The following SWT1 variants were observed in gnomAD, a reference collection of about 807,000 sequenced individuals.
SWT1 encodes transcriptional protein SWT1.
Under a neutral mutation model 107.3 loss-of-function variants are expected in SWT1, and 33 were observed. The ratio of observed to expected loss-of-function variants is 0.31; its 90% CI spans 0.23 to 0.41. The LOEUF (loss-of-function observed/expected upper bound fraction) is 0.41, where lower values mean the gene tolerates loss of function less well. SWT1 is among the 10% of genes least tolerant of loss of function. The pLI is 1.00. For synonymous variants in SWT1, 345 were observed against 348.3 expected (o/e 0.99, Z 0.11); for missense variants, 898 against 1,028.9 (o/e 0.87, Z 1.74).
chr1:185,161,251 C>T (rs1158823717), intron 2 of SWT1, among the ~76,000 whole-genome samples: 2 of 152,182 alleles, frequency 1.3e-5, no homozygotes, highest in Non-Finnish European at 1.5e-5. Flanking sequence ...GATAACTCAA[C>T]ATTGAACCAT....
chr1:185,184,187 A>G, intron 7 of SWT1, 56 bp from the exon 8 acceptor site: 2 of 841,436 alleles, frequency 2.4e-6, no homozygotes, highest in East Asian at 2.7e-5. Flanking sequence ...TCAAAATTTT[A>G]GTCATTATAT....
chr1:185,190,826 A>T (rs548862287), intron 10 of SWT1, among the ~76,000 whole-genome samples, 184 bp downstream of exon 10: 1 of 152,320 alleles, frequency 6.6e-6, no homozygotes, highest in East Asian at 1.9e-4. Flanking sequence ...TGAGATCTCA[A>T]CTAGATGAAG....
intron 7 of SWT1, 161 bp downstream of exon 7, chr1:185,182,218 C>A: frequency 6.4e-6 from 2 of 314,044 alleles, no homozygotes; most frequent in Non-Finnish European, 9.2e-6. Context: ...GAATTAGATC[C>A]AATATTTGTC....
rs1389770523 is a variant in SWT1 at position 185,174,754 on chromosome 1, T to C, written c.607T>C (p.Leu203=). Residue 203 remains leucine, a synonymous_variant, in exon 5 of 19, where the codon TTA becomes CTA. Transcript: ENST00000367500. ...TAGAGACAATTCTGAAAAATGTGTC[T>C]TAGAGAAATGGAAGAGAAATCAATT... The part of the protein sequence containing the change: ...KFRDNSEKCV[L]EKWKRNQFSQ... The C allele has an allele frequency of 1.1e-5, 17 of 1,611,476 alleles. No individual in the cohort carries two copies. The highest frequency in any genetic ancestry group is 1.4e-5 in the Non-Finnish European group (17 of 1,179,442).
intron 10 of SWT1, among the ~76,000 whole-genome samples, chr1:185,198,616 G>T (rs893975435): frequency 6.6e-6 from 1 of 152,110 alleles, no homozygotes; most frequent in Admixed American, 6.5e-5. Flanking sequence ...TGCTGCTCCT[G>T]TATTGGGTGC....
At chr1:185,204,900 T>G in intron 12 of SWT1, 37 bp downstream of exon 12, 1 of 1,308,906 alleles carries the variant, frequency 7.6e-7, no homozygotes, top group Non-Finnish European at 1.0e-6. Context: ...AAATTTCTTT[T>G]TTATTGCTGA....
chr1:185,165,927 G>A (rs1193291815), intron 2 of SWT1, among the ~76,000 whole-genome samples: 1 of 152,118 alleles, frequency 6.6e-6, no homozygotes, highest in Non-Finnish European at 1.5e-5. Flanking sequence ...GCTCGTACCT[G>A]GGGTCTGACT....
At chr1:185,171,284 T>G in intron 4 of SWT1, 2 of 192,172 alleles carry the variant, frequency 1.0e-5, no homozygotes, top group Non-Finnish European at 2.2e-5. Context: ...CCATTTTGGT[T>G]CCCAAGTTTT....
intron 15 of SWT1, among the ~76,000 whole-genome samples, chr1:185,223,742 AC>A (rs1258358502): frequency 6.6e-6 from 1 of 152,054 alleles, no homozygotes; most frequent in African/African-American, 2.4e-5. Context: ...TTATTTCTTC[AC>A]CCAGGCATTA....
chr1:185,186,677 A>G lies in SWT1; in HGVS notation c.1429+1746A>G, dbSNP rs187226608. 4.4e-3 allele frequency among the ~76,000 whole-genome samples: 672 copies of G among 152,254 alleles called. 3 individuals are homozygous for G. The highest frequency in any genetic ancestry group is 0.014 in the Middle Eastern group (4 of 294). On this transcript the variant is annotated intron_variant, in intron 9 of 18. Coordinates refer to ENST00000367500, the MANE Select transcript of SWT1 (RefSeq NM_017673.7). ...TTAATTATATACTGATTAATGATGAATAGAGGTGATATTTACCTGATGGGT... is the reference window on the plus strand; with the variant it reads ...TTAATTATATACTGATTAATGATGAGTAGAGGTGATATTTACCTGATGGGT...
At chr1:185,160,192 T>G (rs192908168) in intron 1 of SWT1, among the ~76,000 whole-genome samples, 1 of 152,258 alleles carries the variant, frequency 6.6e-6, no homozygotes, top group Admixed American at 6.5e-5. Flanking sequence ...ACTAATTGGC[T>G]TTGAAGTGTG....
chr1:185,218,857 A>G (rs901755721), intron 14 of SWT1, among the ~76,000 whole-genome samples: 9 of 152,178 alleles, frequency 5.9e-5, no homozygotes, highest in Non-Finnish European at 1.3e-4. Flanking sequence ...GAGTGTAATA[A>G]TAATGCTGGC....
At chr1:185,197,117 G>T (rs879928920) in intron 10 of SWT1, among the ~76,000 whole-genome samples, 18 of 152,122 alleles carry the variant, frequency 1.2e-4, no homozygotes, top group Non-Finnish European at 1.9e-4. Context: ...AATATTTTGA[G>T]ATACATTCCA....
In SWT1 at chr1:185,290,968, A is replaced by T. The variant is rs1187591465; in HGVS notation, c.*165A>T. 1.1e-5 allele frequency: 5 copies of T among 458,478 alleles called. No individual in the cohort carries two copies. The highest frequency in any genetic ancestry group is 1.9e-5 in the Non-Finnish European group (5 of 267,498). The allele number at this position is 458,478 out of a possible 1,614,324, so 28.4% of individuals were successfully genotyped here. The stretch of plus-strand genomic sequence containing the variant: ...CTGACAGTCTCATTGTAGCTCTAAA[A>T]AGCCTAATGTATCCACTGTGGAATA... On this transcript the variant is annotated 3_prime_UTR_variant, in exon 19 of 19. Coordinates refer to ENST00000367500, the MANE Select transcript of SWT1 (RefSeq NM_017673.7).
chr1:185,257,896 T>A (rs535299988), intron 16 of SWT1: 2 of 152,358 alleles, frequency 1.3e-5, no homozygotes, highest in African/African-American at 4.8e-5. Context: ...TTTTGTTTTA[T>A]TATTTTATTT....
At chr1:185,217,492 G>C (rs944853056) in intron 14 of SWT1, among the ~76,000 whole-genome samples, 2 of 152,258 alleles carry the variant, frequency 1.3e-5, no homozygotes, top group Admixed American at 6.5e-5. Context: ...CTGATGATCT[G>C]TCACTGTCTC....
intron 16 of SWT1, among the ~76,000 whole-genome samples, chr1:185,249,406 TAC>T (rs757004974): frequency 6.6e-6 from 1 of 151,972 alleles, no homozygotes; most frequent in Non-Finnish European, 1.5e-5. Context: ...TCTTGGAAAA[TAC>T]AGTCTGCCTT....
rs544644653 is a variant in SWT1, at chr1:185,223,471, G to A, written c.2309+1435G>A. 6.5e-4 allele frequency among the ~76,000 whole-genome samples: 99 copies of A among 152,132 alleles called. No individual in the cohort carries two copies. In the South Asian group the frequency reaches 0.013, roughly 21 times the overall value. ...CAAAGGATTACAGGTGTGAGCCACC[G>A]CACCTGGCCAACACTTTTCTTCTTT... On this transcript the variant is annotated intron_variant, in intron 15 of 18. Transcript: ENST00000367500.
intron 2 of SWT1, among the ~76,000 whole-genome samples, chr1:185,164,783 A>G (rs1322129271): frequency 6.6e-6 from 1 of 152,186 alleles, no homozygotes; most frequent in Non-Finnish European, 1.5e-5. Context: ...TTTCTATCCA[A>G]ACCACTCAAA....
Sources: allele counts gnomAD v4.1 joint callset (sites outside exome capture counted in the v4.1 genomes callset), GRCh38; gene constraint gnomAD v4.1.1; transcripts MANE v1.5; gene names NCBI Gene and HGNC (gene_info 2026-07-23, HGNC 2026-07-21).